The following GAB1 variants were observed in gnomAD, a reference collection of about 807,000 sequenced individuals.
The protein encoded by GAB1 is GRB2 associated binding protein 1.
GAB1 carries 19 observed loss-of-function variants against 66.5 expected under a neutral mutation model. The ratio of observed to expected loss-of-function variants is 0.29; its 90% confidence interval spans 0.20 to 0.42. The LOEUF is 0.42. Among genes scored for constraint, GAB1 ranks in the 10% least tolerant of loss-of-function variants. The probability of loss-of-function intolerance (pLI) is 1.00; values close to 1 mark genes in which losing one functional copy is unlikely to be tolerated. For synonymous variants in GAB1, 294 were observed against 301.4 expected, an observed-to-expected ratio of 0.98 and a Z score of 0.25; for missense variants, 732 against 858.5, an observed-to-expected ratio of 0.85 and a Z score of 1.84.
chr4:143,396,796 T>G (rs1731477587), intron 1 of GAB1, among the ~76,000 whole-genome samples: 1 of 152,092 alleles, frequency 6.6e-6, no homozygotes, highest in Non-Finnish European at 1.5e-5. Flanking sequence ...AATACTAATT[T>G]TAAAAACTGT....
intron 2 of GAB1, among the ~76,000 whole-genome samples, chr4:143,417,253 T>A (rs1297903313): frequency 6.6e-6 from 1 of 152,082 alleles, no homozygotes; most frequent in Non-Finnish European, 1.5e-5. Flanking sequence ...ACTGGGGCAG[T>A]AAGGCTCTGA....
rs190591943 is a variant in GAB1 at position 143,419,827 on chromosome 4, G to A, written c.367+4056G>A. 7.5e-3 allele frequency among the ~76,000 whole-genome samples: 1,140 copies of A among 152,190 alleles called. 7 individuals are homozygous for A. The highest frequency in any genetic ancestry group is 0.011 in the Non-Finnish European group (768 of 67,936). ...GTTGAAGTATTTGTTGAGTTTCTTGGAATAAATCTGTAAAGCATGAACAGT... is the reference window on the plus strand; with the variant it reads ...GTTGAAGTATTTGTTGAGTTTCTTGAAATAAATCTGTAAAGCATGAACAGT... On this transcript the variant is annotated intron_variant, in intron 2 of 9. Transcript: ENST00000262994.
At chr4:143,419,273 A>G (rs376034995) in intron 2 of GAB1, among the ~76,000 whole-genome samples, 40 of 152,298 alleles carry the variant, frequency 2.6e-4, no homozygotes, top group Non-Finnish European at 5.6e-4. Flanking sequence ...GTTTATGAAT[A>G]TAGTTCTTGT....
chr4:143,461,607 A>G (rs772596079), intron 8 of GAB1, among the ~76,000 whole-genome samples: 1 of 152,206 alleles, frequency 6.6e-6, no homozygotes, highest in African/African-American at 2.4e-5. Flanking sequence ...CTTAGACACA[A>G]AGGAGCTAGA....
rs776276159 is a variant in GAB1 at position 143,440,089 on chromosome 4, A to G, written c.1292A>G (p.Asn431Ser). 2.5e-5 allele frequency: 40 copies of G among 1,612,672 alleles called. No individual in the cohort carries two copies. The highest frequency in any genetic ancestry group is 3.3e-5 in the South Asian group (3 of 90,928). ...EGFHNHFKVK[N>S]VLTVGSVSSE... ...ATATATGTGTTTTAGAAAGTCAAAA[A>G]TGTGTTGACAGTGGGAAGTGTTTCA... Residue 431 changes from asparagine (N) to serine (S), a missense_variant, in exon 6 of 10, where the codon AAT becomes AGT. Asn to Ser is a conservative substitution (Grantham distance 46). Coordinates refer to ENST00000262994, the MANE Select transcript of GAB1 (RefSeq NM_002039.4).
At chr4:143,365,898 A>G (rs958684496) in intron 1 of GAB1, among the ~76,000 whole-genome samples, 2 of 152,238 alleles carry the variant, frequency 1.3e-5, no homozygotes, top group African/African-American at 2.4e-5. Flanking sequence ...TTACTAATAC[A>G]TAAATGAACA....
chr4:143,364,578 AG>A (rs1262838312), intron 1 of GAB1, among the ~76,000 whole-genome samples: 2 of 152,176 alleles, frequency 1.3e-5, no homozygotes, highest in East Asian at 3.8e-4. Flanking sequence ...AGGTGTCCAG[AG>A]TCAAGTCTGT....
At chr4:143,438,659 G>A in intron 4 of GAB1, 59 bp downstream of exon 4, 1 of 1,527,878 alleles carries the variant, frequency 6.5e-7, no homozygotes. Flanking sequence ...CGATTTTTCT[G>A]AATATTTGTT....
intron 1 of GAB1, among the ~76,000 whole-genome samples, chr4:143,368,392 G>T (rs1007507850): frequency 1.2e-4 from 18 of 152,314 alleles, no homozygotes; most frequent in African/African-American, 4.1e-4. Flanking sequence ...AGTGGATGAT[G>T]CTGGTGGTGA....
chr4:143,361,982 C>T (rs948087115), intron 1 of GAB1, among the ~76,000 whole-genome samples: 3 of 151,482 alleles, frequency 2.0e-5, no homozygotes, highest in Admixed American at 6.6e-5. Flanking sequence ...TGGTCTTGAA[C>T]TCCTGGGCTC....
intron 2 of GAB1, chr4:143,425,278 T>C: frequency 5.4e-6 from 5 of 924,928 alleles, no homozygotes; most frequent in Non-Finnish European, 7.1e-6. Context: ...GTCAGTGTTA[T>C]ATCCTCCAGG....
chr4:143,371,538 A>G (rs971677349), intron 1 of GAB1, among the ~76,000 whole-genome samples: 3 of 151,770 alleles, frequency 2.0e-5, no homozygotes, highest in African/African-American at 7.3e-5. Context: ...TGCTGTGCAG[A>G]AGCTCTTTAG....
At chr4:143,425,619 C>T in intron 2 of GAB1, 2 of 762,072 alleles carry the variant, frequency 2.6e-6, no homozygotes, top group Non-Finnish European at 4.8e-6. Flanking sequence ...TTCCCGTGAA[C>T]ATCCATGGGA....
chr4:143,469,206 T>C lies in GAB1; in HGVS notation c.*17T>C. 1 of 1,612,580 alleles carries C rather than the reference T, an allele frequency of 6.2e-7. No homozygotes were observed. The highest frequency in any genetic ancestry group is 8.5e-7 in the Non-Finnish European group (1 of 1,179,264). The stretch of plus-strand genomic sequence containing the variant: ...GTGAAATGAAAATATTGCCTTGCCA[T>C]TTCTGAACAAAAGAAAACTGAATTG... On this transcript the variant is annotated 3_prime_UTR_variant, in exon 10 of 10. Coordinates refer to ENST00000262994, the MANE Select transcript of GAB1 (RefSeq NM_002039.4).
At chr4:143,391,716 A>T (rs1393915835) in intron 1 of GAB1, 5 of 152,176 alleles carry the variant, frequency 3.3e-5, no homozygotes, top group African/African-American at 4.8e-5. Context: ...ATTCATTGAG[A>T]TTATCTGATT....
At chr4:143,386,887 G>A (rs1353870962) in intron 1 of GAB1, among the ~76,000 whole-genome samples, 1 of 152,108 alleles carries the variant, frequency 6.6e-6, no homozygotes, top group Non-Finnish European at 1.5e-5. Flanking sequence ...GAGATCATAT[G>A]GCCTGCAAAA....
rs141073059 is a variant in GAB1 at position 143,390,158 on chromosome 4, A to T, written c.73-25319A>T. ...GTGTGCAACAGAATAGAATTTTAGA[A>T]GTAGAGTAAAAAGTTTCATCCACTA... On this transcript the variant is annotated intron_variant, in intron 1 of 9. Coordinates refer to ENST00000262994, the MANE Select transcript of GAB1 (RefSeq NM_002039.4). Among the ~76,000 whole-genome samples, 111 of 152,330 alleles carry T rather than the reference A, an allele frequency of 7.3e-4. 1 individual carries two copies. Among genetic ancestry groups the T allele is most frequent in the African/African-American group, 2.5e-3 (104 of 41,580 alleles).
intron 7 of GAB1, among the ~76,000 whole-genome samples, chr4:143,460,132 T>G (rs942469588): frequency 3.3e-5 from 5 of 152,160 alleles, no homozygotes; most frequent in Non-Finnish European, 7.4e-5. Flanking sequence ...GTGGTTTTTT[T>G]GTTTTACACA....
Position 143,433,528 on chromosome 4 carries a change from A to G in GAB1, c.405A>G (p.Pro135=). The G allele has an allele frequency of 3.7e-6, 6 of 1,614,026 alleles. No homozygotes were observed. Among genetic ancestry groups the G allele is most frequent in the Non-Finnish European group, 5.1e-6 (6 of 1,179,914 alleles). Residue 135 remains proline, a synonymous_variant, in exon 3 of 10, where the codon CCA becomes CCG. Coordinates refer to ENST00000262994, the MANE Select transcript of GAB1 (RefSeq NM_002039.4). ...VKPPGSSLQA[P]ADLPLAINTA... ...CACCTGGCAGCTCTTTACAAGCACCAGCTGATTTACCTTTAGCTATAAATA... is the reference window on the plus strand; with the variant it reads ...CACCTGGCAGCTCTTTACAAGCACCGGCTGATTTACCTTTAGCTATAAATA...
Sources: allele counts gnomAD v4.1 joint callset (sites outside exome capture counted in the v4.1 genomes callset), GRCh38; gene constraint gnomAD v4.1.1; transcripts MANE v1.5; gene names NCBI Gene and HGNC (gene_info 2026-07-23, HGNC 2026-07-21).